LPAR3: variants seen among roughly 807,000 people sequenced by gnomAD.
The protein encoded by LPAR3 is lysophosphatidic acid receptor 3, also known as LPA receptor 3.
LPAR3 carries 7 observed loss-of-function variants against 17.8 expected under a neutral mutation model. The observed-to-expected ratio is 0.39, with a 90% confidence interval of 0.22 to 0.74. The LOEUF is 0.74. Ranked by LOEUF, LPAR3 falls within the 30% of genes least tolerant of loss-of-function variation. LPAR3 has a pLI of 0.40. For missense variants in LPAR3, 391 were observed against 453.4 expected, an observed-to-expected ratio of 0.86 and a Z score of 1.25; for synonymous variants, 179 against 179.9, an observed-to-expected ratio of 0.99 and a Z score of 0.04.
chr1:84,825,414 C>T (rs1196602992), intron 2 of LPAR3, among the ~76,000 whole-genome samples: 1 of 152,134 alleles, frequency 6.6e-6, no homozygotes, highest in African/African-American at 2.4e-5. Context: ...TAAATGATTC[C>T]AGGCAAGATA....
At chr1:84,851,461 C>T (rs969723229) in intron 2 of LPAR3, among the ~76,000 whole-genome samples, 7 of 152,208 alleles carry the variant, frequency 4.6e-5, no homozygotes, top group South Asian at 2.1e-4. Flanking sequence ...CACACACACA[C>T]AGTCCTGTCC....
chr1:84,839,127 A>G (rs991393458), intron 2 of LPAR3, among the ~76,000 whole-genome samples: 3 of 152,192 alleles, frequency 2.0e-5, no homozygotes, highest in Admixed American at 2.0e-4. Flanking sequence ...GTCTCTTTTC[A>G]TAGATTAAGA....
chr1:84,829,002 A>G (rs1269487541), intron 2 of LPAR3, among the ~76,000 whole-genome samples: 2 of 151,906 alleles, frequency 1.3e-5, no homozygotes, highest in East Asian at 3.9e-4. Flanking sequence ...CTAGCACCTG[A>G]CTTCCTCAGC....
chr1:84,880,715 G>A (rs796427426), intron 1 of LPAR3, among the ~76,000 whole-genome samples: 3 of 152,356 alleles, frequency 2.0e-5, no homozygotes, highest in African/African-American at 7.2e-5. Flanking sequence ...AGTCTATCAA[G>A]TTTATAAGGA....
At chr1:84,857,811 C>T (rs766649354) in intron 2 of LPAR3, among the ~76,000 whole-genome samples, 5 of 152,210 alleles carry the variant, frequency 3.3e-5, no homozygotes, top group Non-Finnish European at 7.3e-5. Flanking sequence ...TTGAGCAAGA[C>T]ATTGAACCTT....
rs1570849652 is a variant in LPAR3, at chr1:84,813,875, C to T, written c.1033G>A (p.Gly345Ser). ...SQYIEDSISQ[G>S]AVCNKSTS ...GAAGTGCTTTTATTGCAGACTGCAC[C>T]TTGGCTAATACTATCCTCTATGTAC... is the stretch of plus-strand genomic sequence containing the variant. The change falls in exon 3 of 3, where the codon GGT becomes AGT. Residue 345 changes from glycine (G) to serine (S), a missense_variant. Gly to Ser is a moderately conservative substitution (Grantham distance 56). Coordinates refer to ENST00000370611, the MANE Select transcript of LPAR3 (RefSeq NM_012152.3). 3.1e-6 allele frequency: 5 copies of T among 1,613,938 alleles called. No individual in the cohort carries two copies. The highest frequency in any genetic ancestry group is 1.6e-4 in the Middle Eastern group (1 of 6,062).
chr1:84,821,248 G>T (rs1050893879), intron 2 of LPAR3, among the ~76,000 whole-genome samples: 2 of 151,878 alleles, frequency 1.3e-5, no homozygotes, highest in African/African-American at 4.8e-5. Flanking sequence ...AGGAGAGGGG[G>T]TGTTAACTAA....
chr1:84,891,837 T>G (rs1660557235), intron 1 of LPAR3, among the ~76,000 whole-genome samples: 1 of 152,128 alleles, frequency 6.6e-6, no homozygotes, highest in Non-Finnish European at 1.5e-5. Context: ...TAATGCTACT[T>G]TCGGAGGAAA....
chr1:84,814,306 C>T (rs1658890696), intron 2 of LPAR3, 135 bp from the exon 3 acceptor site: 3 of 669,430 alleles, frequency 4.5e-6, no homozygotes, highest in South Asian at 3.8e-5. Flanking sequence ...GGCAAACTTC[C>T]ACCTACCATC....
intron 1 of LPAR3, among the ~76,000 whole-genome samples, chr1:84,890,248 C>A (rs35287104): frequency 1.9e-3 from 44 of 23,182 alleles, no homozygotes; most frequent in African/African-American, 7.3e-3. Context: ...GGCCCATGGC[C>A]AGGAAAAGAG....
intron 2 of LPAR3, among the ~76,000 whole-genome samples, chr1:84,846,812 A>C (rs55694361): frequency 0.012 from 1,837 of 152,258 alleles, 16 homozygotes; most frequent in South Asian, 0.042. Context: ...CTAGAAGAAC[A>C]AGACAATGAC....
intron 2 of LPAR3, among the ~76,000 whole-genome samples, chr1:84,857,280 T>C (rs770162305): frequency 6.6e-6 from 1 of 152,184 alleles, no homozygotes; most frequent in Non-Finnish European, 1.5e-5. Context: ...TACTTAGTAC[T>C]TACTATGTAC....
chr1:84,868,940 C>T (rs1032592822), intron 1 of LPAR3, among the ~76,000 whole-genome samples: 1 of 152,028 alleles, frequency 6.6e-6, no homozygotes, highest in African/African-American at 2.4e-5. Context: ...TATTATGTGT[C>T]TTTTCTAATT....
intron 2 of LPAR3, among the ~76,000 whole-genome samples, chr1:84,825,486 C>G (rs186512432): frequency 6.6e-6 from 1 of 152,238 alleles, no homozygotes; most frequent in East Asian, 1.9e-4. Context: ...ATTTAATGTT[C>G]TCTGCAAGGC....
chr1:84,855,036 G>A (rs894826419), intron 2 of LPAR3, among the ~76,000 whole-genome samples: 1 of 152,150 alleles, frequency 6.6e-6, no homozygotes, highest in Admixed American at 6.5e-5. Flanking sequence ...GGGCTGGAGG[G>A]ACAACTGTCA....
chr1:84,815,327 T>A (rs1287279510), intron 2 of LPAR3, among the ~76,000 whole-genome samples: 3 of 152,146 alleles, frequency 2.0e-5, no homozygotes, highest in Non-Finnish European at 2.9e-5. Context: ...TGTCCACTCA[T>A]AAATATTCAT....
At position 84,821,954 on chromosome 1, in the gene LPAR3, G is replaced by A. The variant is rs115269861; in HGVS notation, c.737-7783C>T. Among the ~76,000 whole-genome samples the A allele has an allele frequency of 6.1e-3, 922 of 152,272 alleles. 9 individuals are homozygous for A. Among genetic ancestry groups the A allele is most frequent in the African/African-American group, 0.021 (887 of 41,538 alleles). On this transcript the variant is annotated intron_variant, in intron 2 of 2. Transcript: ENST00000370611. Reference sequence around the variant, plus strand: ...ACTTAGAGTGTCTGTGGCTTCTCCAGTTGGAGATGTGTAGAAGGCAGCCAG... The same window carrying A: ...ACTTAGAGTGTCTGTGGCTTCTCCAATTGGAGATGTGTAGAAGGCAGCCAG...
chr1:84,883,322 A>G (rs1303718151), intron 1 of LPAR3, among the ~76,000 whole-genome samples: 1 of 152,236 alleles, frequency 6.6e-6, no homozygotes, highest in Non-Finnish European at 1.5e-5. Context: ...GTGGGTCACC[A>G]CAATAACACC....
intron 2 of LPAR3, among the ~76,000 whole-genome samples, chr1:84,860,557 C>T (rs1280004256): frequency 7.9e-5 from 12 of 152,016 alleles, no homozygotes; most frequent in Admixed American, 7.9e-4. Context: ...ATTAAGAAGC[C>T]GTCTCCACAC....
Sources: gnomAD v4.1 joint callset for allele counts (sites outside exome capture counted in the v4.1 genomes callset) on GRCh38, gnomAD v4.1.1 for gene constraint, MANE v1.5 for transcripts, NCBI Gene and HGNC (gene_info 2026-07-23, HGNC 2026-07-21) for gene names.